The following DNAH5 variants were observed in gnomAD, a reference collection of about 807,000 sequenced individuals.
The protein encoded by DNAH5 is axonemal beta dynein heavy chain 5.
DNAH5 carries 372 observed loss-of-function variants against 518.2 expected under a neutral mutation model. The observed-to-expected ratio is 0.72, with a 90% CI of 0.66 to 0.78. The LOEUF (loss-of-function observed/expected upper bound fraction) is 0.78, where lower values mean the gene tolerates loss of function less well. Among genes scored for constraint, DNAH5 ranks in the 30% least tolerant of loss-of-function variants. The pLI is 0.00. For synonymous variants in DNAH5, 2,039 were observed against 2,025.9 expected (o/e 1.01, Z -0.17); for missense variants, 5,523 against 5,687.0 (o/e 0.97, Z 0.93).
intron 78 of DNAH5, among the ~76,000 whole-genome samples, chr5:13,692,497 C>T (rs1740831007): frequency 6.6e-6 from 1 of 152,174 alleles, no homozygotes; most frequent in South Asian, 2.1e-4. Flanking sequence ...ACACACACAT[C>T]TACTTTTACT....
At chr5:13,832,462 G>A (rs563484423) in intron 35 of DNAH5, among the ~76,000 whole-genome samples, 1 of 152,324 alleles carries the variant, frequency 6.6e-6, no homozygotes, top group Non-Finnish European at 1.5e-5. Context: ...TGTGTCTAGA[G>A]AATTCTACAT....
At chr5:13,706,057 C>CA (rs1383726055) in intron 76 of DNAH5, among the ~76,000 whole-genome samples, 1 of 152,118 alleles carries the variant, frequency 6.6e-6, no homozygotes, top group Non-Finnish European at 1.5e-5. Context: ...TTATGGCAGT[C>CA]AAAAAATCCT....
chr5:13,912,445 C>T (rs1025820680), intron 11 of DNAH5, among the ~76,000 whole-genome samples: 30 of 148,862 alleles, frequency 2.0e-4, no homozygotes, highest in Admixed American at 1.8e-3. Flanking sequence ...TTTTATATAA[C>T]GTGTGTGTAT....
chr5:13,905,802 T>G (rs1351756608), intron 12 of DNAH5, among the ~76,000 whole-genome samples: 1 of 151,616 alleles, frequency 6.6e-6, no homozygotes, highest in Admixed American at 6.6e-5. Context: ...AAAACTTATA[T>G]CCACAGAAAA....
intron 52 of DNAH5, among the ~76,000 whole-genome samples, chr5:13,783,137 C>A (rs1200496215): frequency 6.6e-6 from 1 of 152,096 alleles, no homozygotes; most frequent in Non-Finnish European, 1.5e-5. Flanking sequence ...GTACATCACA[C>A]AAAGAAGGTG....
chr5:13,975,279 C>G (rs887875979), intron 1 of DNAH5, among the ~76,000 whole-genome samples: 6 of 152,174 alleles, frequency 3.9e-5, no homozygotes, highest in African/African-American at 1.4e-4. Flanking sequence ...GATTTATTCA[C>G]TACCACAAGA....
At chr5:14,000,245 G>A (rs1170004542) in intron 1 of DNAH5, among the ~76,000 whole-genome samples, 3 of 152,184 alleles carry the variant, frequency 2.0e-5, no homozygotes, top group African/African-American at 7.2e-5. Context: ...TGAGGACACG[G>A]GGAGGACACA....
At chr5:13,943,272 G>A (rs932431201) in intron 1 of DNAH5, among the ~76,000 whole-genome samples, 1 of 152,220 alleles carries the variant, frequency 6.6e-6, no homozygotes, top group African/African-American at 2.4e-5. Flanking sequence ...CAAGCTCTGT[G>A]TTAAAGGAAG....
intron 78 of DNAH5, among the ~76,000 whole-genome samples, chr5:13,696,865 T>C (rs140422196): frequency 6.6e-6 from 1 of 152,334 alleles, no homozygotes; most frequent in African/African-American, 2.4e-5. Context: ...TTAGCCCTTT[T>C]TCCTTTGCTT....
intron 65 of DNAH5, among the ~76,000 whole-genome samples, chr5:13,748,134 G>A (rs1749667765): frequency 6.6e-6 from 1 of 152,140 alleles, no homozygotes; most frequent in Non-Finnish European, 1.5e-5. Context: ...GTTAAATAGG[G>A]AATCCTTTCC....
chr5:13,929,669 C>G (rs1416519566), intron 2 of DNAH5, among the ~76,000 whole-genome samples: 1 of 152,180 alleles, frequency 6.6e-6, no homozygotes, highest in African/African-American at 2.4e-5. Context: ...ATGCTTCCAT[C>G]ACAGCCAGTA....
chr5:13,890,565 A>G (rs945363678), intron 17 of DNAH5, among the ~76,000 whole-genome samples: 1 of 152,198 alleles, frequency 6.6e-6, no homozygotes, highest in African/African-American at 2.4e-5. Flanking sequence ...ATTGTGTGCT[A>G]TAGAACACCA....
intron 68 of DNAH5, among the ~76,000 whole-genome samples, chr5:13,730,721 G>A (rs1404878293): frequency 7.9e-6 from 1 of 126,668 alleles, no homozygotes; most frequent in African/African-American, 3.1e-5. Flanking sequence ...TTTTTTTTTT[G>A]AGATGTAGTT....
At chr5:13,846,570 A>G (rs1766035115) in intron 31 of DNAH5, among the ~76,000 whole-genome samples, 1 of 152,180 alleles carries the variant, frequency 6.6e-6, no homozygotes, top group Admixed American at 6.5e-5. Flanking sequence ...TCTGAGCTAC[A>G]TTCCTCAAGA....
intron 29 of DNAH5, chr5:13,860,463 T>A (rs1268094729): frequency 1.3e-5 from 2 of 152,204 alleles, no homozygotes; most frequent in East Asian, 3.8e-4. Flanking sequence ...ATTCAATGGG[T>A]CTGGGAAGTG....
At chr5:13,734,260 C>T (rs1439439233) in intron 68 of DNAH5, among the ~76,000 whole-genome samples, 1 of 152,218 alleles carries the variant, frequency 6.6e-6, no homozygotes, top group Non-Finnish European at 1.5e-5. Flanking sequence ...GCACCCTGAT[C>T]TGGGACTTCC....
chr5:13,933,399 T>C (rs1233722136), intron 1 of DNAH5, among the ~76,000 whole-genome samples: 1 of 152,164 alleles, frequency 6.6e-6, no homozygotes, highest in African/African-American at 2.4e-5. Flanking sequence ...TATGATTTTC[T>C]AACAAACATA....
chr5:13,867,333 T>C (rs535158804), intron 25 of DNAH5, among the ~76,000 whole-genome samples: 1 of 152,226 alleles, frequency 6.6e-6, no homozygotes, highest in Admixed American at 6.6e-5. Context: ...TGGGAGCGGT[T>C]TTCCCCATGC....
chr5:14,008,276 G>C (rs980567573), intron 1 of DNAH5, among the ~76,000 whole-genome samples: 2 of 151,580 alleles, frequency 1.3e-5, no homozygotes, highest in South Asian at 4.2e-4. Context: ...TGAGGGAGAG[G>C]GAAAGAGGAA....
Sources: allele counts gnomAD v4.1 joint callset (sites outside exome capture counted in the v4.1 genomes callset), GRCh38; gene constraint gnomAD v4.1.1; transcripts MANE v1.5; gene names NCBI Gene and HGNC (gene_info 2026-07-23, HGNC 2026-07-21).